The following OLAH variants were observed in gnomAD, a reference collection of about 807,000 sequenced individuals.
The protein encoded by OLAH is S-acyl fatty acid synthase thioesterase, medium chain.
Under a neutral mutation model 27.8 loss-of-function variants are expected in OLAH, and 33 were observed. The observed-to-expected ratio is 1.19, with a 90% CI of 0.90 to 1.59. OLAH has a LOEUF of 1.59. Ranked by LOEUF, OLAH falls within the 40% of genes most tolerant of loss-of-function variation. The pLI is 0.00. For missense variants in OLAH, 359 were observed against 310.8 expected (o/e 1.16, Z -1.17); for synonymous variants, 120 against 102.9 (o/e 1.17, Z -1.01).
At chr10:15,050,276 T>C (rs1844109389) in intron 3 of OLAH, among the ~76,000 whole-genome samples, 1 of 152,118 alleles carries the variant, frequency 6.6e-6, no homozygotes, top group Non-Finnish European at 1.5e-5. Flanking sequence ...TTTATTTATT[T>C]ATTGTTTTTG....
chr10:15,060,826 G>A (rs1733476940), intron 3 of OLAH, among the ~76,000 whole-genome samples: 1 of 152,140 alleles, frequency 6.6e-6, no homozygotes, highest in Admixed American at 6.6e-5. Flanking sequence ...TTGATTAGAA[G>A]TTAGACATTG....
At chr10:15,056,554 T>C (rs1052863508) in intron 3 of OLAH, among the ~76,000 whole-genome samples, 3 of 152,210 alleles carry the variant, frequency 2.0e-5, no homozygotes, top group African/African-American at 7.2e-5. Context: ...TTTTCACATT[T>C]TGATTGCTTG....
chr10:15,070,579 G>C (rs1289455581), intron 6 of OLAH, among the ~76,000 whole-genome samples: 2 of 152,006 alleles, frequency 1.3e-5, no homozygotes, highest in Non-Finnish European at 2.9e-5. Context: ...CTGCCTTCCA[G>C]GTTCAAGGGA....
intron 6 of OLAH, among the ~76,000 whole-genome samples, chr10:15,067,668 C>T (rs146925870): frequency 1.3e-5 from 2 of 152,344 alleles, no homozygotes; most frequent in African/African-American, 2.4e-5. Context: ...TTAACGTCCT[C>T]TCTCCAAATT....
At chr10:15,045,387 A>C (rs1843995580) in intron 1 of OLAH, among the ~76,000 whole-genome samples, 1 of 152,190 alleles carries the variant, frequency 6.6e-6, no homozygotes, top group Non-Finnish European at 1.5e-5. Flanking sequence ...CCCAGCTCTG[A>C]CTGCCTATTT....
intron 7 of OLAH, among the ~76,000 whole-genome samples, chr10:15,072,095 G>A (rs368220360): frequency 2.1e-4 from 32 of 152,116 alleles, no homozygotes; most frequent in South Asian, 8.3e-4. Flanking sequence ...CACCATACCC[G>A]GCTATTTTTT....
At chr10:15,062,099 C>T (rs1166153644) in intron 4 of OLAH, 5 of 394,636 alleles carry the variant, frequency 1.3e-5, no homozygotes, top group African/African-American at 1.0e-4. Flanking sequence ...TTAACAGCAG[C>T]TTACATTCTA....
At chr10:15,065,978 T>C (rs774083401) in intron 6 of OLAH, among the ~76,000 whole-genome samples, 1 of 152,146 alleles carries the variant, frequency 6.6e-6, no homozygotes, top group African/African-American at 2.4e-5. Flanking sequence ...CAGTGACTCA[T>C]GCCTATAATT....
At chr10:15,059,670 G>GT (rs1391573042) in intron 3 of OLAH, among the ~76,000 whole-genome samples, 3 of 152,168 alleles carry the variant, frequency 2.0e-5, no homozygotes, top group African/African-American at 7.2e-5. Flanking sequence ...CCCGGGTGTG[G>GT]TGGCATGTGC....
intron 3 of OLAH, among the ~76,000 whole-genome samples, chr10:15,059,881 T>A (rs961245362): frequency 6.6e-6 from 1 of 152,216 alleles, no homozygotes; most frequent in African/African-American, 2.4e-5. Context: ...GGCTGCTTTT[T>A]AACATCATCT....
chr10:15,048,143 A>G (rs1473906577), intron 2 of OLAH, among the ~76,000 whole-genome samples: 1 of 152,222 alleles, frequency 6.6e-6, no homozygotes, highest in Non-Finnish European at 1.5e-5. Context: ...CTTTTTCAAA[A>G]AGAACTTTTC....
At chr10:15,067,205 G>A (rs936900621) in intron 6 of OLAH, among the ~76,000 whole-genome samples, 1 of 152,076 alleles carries the variant, frequency 6.6e-6, no homozygotes, top group African/African-American at 2.4e-5. Flanking sequence ...AATCACCATG[G>A]ACATTCAATG....
At chr10:15,052,486 T>C (rs1033625780) in intron 3 of OLAH, among the ~76,000 whole-genome samples, 2 of 152,136 alleles carry the variant, frequency 1.3e-5, no homozygotes, top group Non-Finnish European at 2.9e-5. Context: ...TTGCCCAGGC[T>C]GGTCTCAAAC....
Position 15,073,163 on chromosome 10 carries a change from G to C in OLAH, c.732G>C (p.Ala244=), listed in dbSNP as rs35647166. 1.6e-3 allele frequency: 2,590 copies of C among 1,611,362 alleles called. 31 individuals carry two copies. In the African/African-American group the frequency reaches 0.031, roughly 19 times the overall value. The change falls in exon 8 of 8, where the codon GCG becomes GCC. Residue 244 remains alanine, a synonymous_variant. Coordinates refer to ENST00000378228, the MANE Select transcript of OLAH (RefSeq NM_001039702.3). ...PGGHFYLLDP[A]NEKLIKNYII... ...GTCACTTTTATCTTCTGGATCCTGC[G>C]AACGAGAAATTAATCAAGAACTACA...
At chr10:15,036,904 C>A (rs151324142) in intron 1 of OLAH, among the ~76,000 whole-genome samples, 1 of 152,008 alleles carries the variant, frequency 6.6e-6, no homozygotes, top group Non-Finnish European at 1.5e-5. Context: ...CATGGTGAAA[C>A]CTCGTCTCTA....
chr10:15,033,656 G>T (rs1333149552), intron 1 of OLAH, among the ~76,000 whole-genome samples: 1 of 152,130 alleles, frequency 6.6e-6, no homozygotes, highest in Admixed American at 6.5e-5. Context: ...CAGTATGAAG[G>T]CACCTGCAGT....
chr10:15,044,958 C>G (rs1436717679), intron 1 of OLAH, among the ~76,000 whole-genome samples: 2 of 152,152 alleles, frequency 1.3e-5, no homozygotes, highest in African/African-American at 2.4e-5. Context: ...TAGTACTATG[C>G]ATCAGTTCCA....
chr10:15,035,191 A>G lies in OLAH; in HGVS notation c.-164+2841A>G, dbSNP rs115472135. 3.6e-3 allele frequency among the ~76,000 whole-genome samples: 546 copies of G among 152,252 alleles called. 2 individuals are homozygous for G. The highest frequency in any genetic ancestry group is 0.013 in the African/African-American group (525 of 41,552). The stretch of plus-strand genomic sequence containing the variant: ...GGCATTCTAGGAGCATAGAGAAGCA[A>G]AGTTAGAGAAAAGGAAGCCACGGAC... On this transcript the variant is annotated intron_variant, in intron 1 of 3. Transcript: ENST00000413672.
chr10:15,034,751 A>C (rs1843814154), intron 1 of OLAH, among the ~76,000 whole-genome samples: 1 of 151,942 alleles, frequency 6.6e-6, no homozygotes, highest in Admixed American at 6.6e-5. Context: ...ACAGCCCATA[A>C]AGAAGCATAA....
Sources: allele counts gnomAD v4.1 joint callset (sites outside exome capture counted in the v4.1 genomes callset), GRCh38; gene constraint gnomAD v4.1.1; transcripts MANE v1.5; gene names NCBI Gene and HGNC (gene_info 2026-07-23, HGNC 2026-07-21).